The following GRID2 variants were observed in gnomAD, a reference collection of about 807,000 sequenced individuals.
GRID2 encodes glutamate ionotropic receptor delta type subunit 2.
Under a neutral mutation model 114.8 loss-of-function variants are expected in GRID2, and 33 were observed. The observed-to-expected ratio is 0.29, with a 90% confidence interval of 0.22 to 0.38. GRID2 has a LOEUF of 0.38. Among genes scored for constraint, GRID2 ranks in the 10% least tolerant of loss-of-function variants. The pLI is 1.00. For missense variants in GRID2, 1,184 were observed against 1,257.7 expected (o/e 0.94, Z 0.89); for synonymous variants, 505 against 449.9 (o/e 1.12, Z -1.55).
chr4:93,325,892 T>C (rs897529668), intron 8 of GRID2, among the ~76,000 whole-genome samples: 7 of 152,122 alleles, frequency 4.6e-5, no homozygotes, highest in African/African-American at 1.7e-4. Context: ...TTGAACATTT[T>C]TGTGGATTTA....
chr4:93,151,916 G>A (rs571905425), intron 4 of GRID2, among the ~76,000 whole-genome samples: 40 of 152,184 alleles, frequency 2.6e-4, no homozygotes, highest in African/African-American at 6.0e-4. Context: ...ATTTAATAAA[G>A]TATGCATCAG....
intron 1 of GRID2, among the ~76,000 whole-genome samples, chr4:92,333,587 T>G (rs937636697): frequency 6.6e-6 from 1 of 152,198 alleles, no homozygotes; most frequent in Admixed American, 6.5e-5. Context: ...TTCTAAATTT[T>G]TCCCTTCTGC....
At chr4:92,354,098 A>C (rs1355548817) in intron 1 of GRID2, among the ~76,000 whole-genome samples, 1 of 152,002 alleles carries the variant, frequency 6.6e-6, no homozygotes. Flanking sequence ...GAACATATCT[A>C]CACAATAATT....
chr4:93,155,823 G>T (rs1188912848), intron 4 of GRID2, among the ~76,000 whole-genome samples: 1 of 151,728 alleles, frequency 6.6e-6, no homozygotes, highest in Non-Finnish European at 1.5e-5. Flanking sequence ...GCTGGGAAGG[G>T]TAGCGAGGGC....
chr4:92,451,759 TAATTCAGGAA>T (rs567631742), intron 1 of GRID2, among the ~76,000 whole-genome samples: 161 of 152,286 alleles, frequency 1.1e-3, no homozygotes, highest in Non-Finnish European at 1.5e-3. Flanking sequence ...CATTGAGCAA[TAATTCAGGAA>T]AATTAGGCAG....
At chr4:93,365,518 A>G (rs1218768237) in intron 8 of GRID2, among the ~76,000 whole-genome samples, 1 of 152,164 alleles carries the variant, frequency 6.6e-6, no homozygotes, top group African/African-American at 2.4e-5. Context: ...CTTATCACTC[A>G]GTGACTAAAT....
intron 2 of GRID2, among the ~76,000 whole-genome samples, chr4:93,065,164 T>TAG (rs1385653952): frequency 1.3e-5 from 2 of 151,760 alleles, no homozygotes; most frequent in African/African-American, 4.8e-5. Flanking sequence ...TATTGGTGAG[T>TAG]AGAGAAAAAA....
intron 8 of GRID2, among the ~76,000 whole-genome samples, chr4:93,261,357 T>G (rs1435028015): frequency 6.6e-6 from 1 of 151,886 alleles, no homozygotes. Context: ...CCTAAGTGGC[T>G]TACAGCCTCT....
chr4:93,123,241 T>G (rs1367259158), intron 4 of GRID2, among the ~76,000 whole-genome samples: 4 of 152,154 alleles, frequency 2.6e-5, no homozygotes, highest in Admixed American at 6.6e-5. Context: ...TACTGCTGGT[T>G]TTTACTTTAT....
intron 4 of GRID2, among the ~76,000 whole-genome samples, chr4:93,123,215 T>G (rs1219567025): frequency 6.6e-6 from 1 of 152,138 alleles, no homozygotes; most frequent in Non-Finnish European, 1.5e-5. Flanking sequence ...ATTTAATAAT[T>G]TTTGACTGCA....
At chr4:92,925,417 G>C (rs1432905826) in intron 2 of GRID2, among the ~76,000 whole-genome samples, 1 of 151,956 alleles carries the variant, frequency 6.6e-6, no homozygotes. Context: ...AATTGAAAAA[G>C]AAAAGCCCTG....
intron 1 of GRID2, among the ~76,000 whole-genome samples, chr4:92,411,671 AT>A (rs1427875525): frequency 7.2e-6 from 1 of 138,122 alleles, no homozygotes; most frequent in Non-Finnish European, 1.5e-5. Context: ...ATATATATAT[AT>A]ATATATGAAA....
At chr4:93,676,307 G>GA (rs2110077135) in intron 14 of GRID2, among the ~76,000 whole-genome samples, 1 of 152,264 alleles carries the variant, frequency 6.6e-6, no homozygotes, top group Non-Finnish European at 1.5e-5. Flanking sequence ...ATGGAAATGT[G>GA]AAAAAATTTA....
chr4:93,095,009 G>T (rs989276203), intron 3 of GRID2, among the ~76,000 whole-genome samples: 4 of 151,692 alleles, frequency 2.6e-5, no homozygotes, highest in African/African-American at 9.7e-5. Context: ...AACACAAAGT[G>T]TAAGAAAATA....
chr4:92,552,348 A>G (rs1298825139), intron 1 of GRID2, among the ~76,000 whole-genome samples: 1 of 152,158 alleles, frequency 6.6e-6, no homozygotes, highest in East Asian at 1.9e-4. Context: ...TACTGAAGAG[A>G]AACTATCTTA....
intron 1 of GRID2, among the ~76,000 whole-genome samples, chr4:92,350,968 T>C (rs1728038282): frequency 6.6e-6 from 1 of 151,900 alleles, no homozygotes; most frequent in Admixed American, 6.6e-5. Flanking sequence ...TAGCATATTA[T>C]TTTCAAAGTT....
chr4:92,598,918 G>A (rs1189661677), intron 2 of GRID2, among the ~76,000 whole-genome samples: 2 of 151,778 alleles, frequency 1.3e-5, no homozygotes, highest in African/African-American at 4.8e-5. Flanking sequence ...ATACCTCTGA[G>A]CCTAACCTTA....
intron 1 of GRID2, among the ~76,000 whole-genome samples, chr4:92,338,913 A>T (rs1411973949): frequency 6.6e-6 from 1 of 152,014 alleles, no homozygotes; most frequent in African/African-American, 2.4e-5. Context: ...ATTTTACAGG[A>T]GGTGTGGCAA....
intron 1 of GRID2, among the ~76,000 whole-genome samples, chr4:92,442,576 G>T (rs1322408115): frequency 2.0e-5 from 3 of 152,010 alleles, no homozygotes; most frequent in Non-Finnish European, 2.9e-5. Context: ...CACCTTGAAG[G>T]CGAGGTTAAT....
Sources: gnomAD v4.1 joint callset for allele counts (sites outside exome capture counted in the v4.1 genomes callset) on GRCh38, gnomAD v4.1.1 for gene constraint, MANE v1.5 for transcripts, NCBI Gene and HGNC (gene_info 2026-07-23, HGNC 2026-07-21) for gene names.